SUMF2: variants seen among roughly 807,000 people sequenced by gnomAD.
The protein encoded by SUMF2 is inactive C-alpha-formylglycine-generating enzyme 2.
In SUMF2, 45 loss-of-function variants were observed where a neutral mutation model predicts 44.8. That is an observed-to-expected ratio of 1.00 (90% CI 0.79 to 1.29). The LOEUF is 1.29. Among genes scored for constraint, SUMF2 ranks in the 50% most tolerant of loss-of-function variants. The probability of loss-of-function intolerance (pLI) is 0.00; values close to 1 mark genes in which losing one functional copy is unlikely to be tolerated. For synonymous variants in SUMF2, 148 were observed against 150.4 expected, an observed-to-expected ratio of 0.98 and a Z score of 0.12; for missense variants, 418 against 389.9, an observed-to-expected ratio of 1.07 and a Z score of -0.61.
chr7:56,068,616 C>G lies in SUMF2; in HGVS notation c.202C>G (p.Pro68Ala), dbSNP rs377302843. 63 of 1,613,682 alleles carry G rather than the reference C, an allele frequency of 3.9e-5. No individual in the cohort carries two copies. The highest frequency in any genetic ancestry group is 5.2e-5 in the Non-Finnish European group (61 of 1,179,876). The change falls in exon 2 of 9, where the codon CCT becomes GCT. Residue 68 changes from proline (P) to alanine (A), a missense_variant. Physicochemically the swap from Pro to Ala is conservative, Grantham distance 27. Coordinates refer to ENST00000434526, the MANE Select transcript of SUMF2 (RefSeq NM_015411.4). ...TVKPFAIDIF[P>A]VTNKDFRDFV... The stretch of plus-strand genomic sequence containing the variant: ...GAAACCCTTTGCCATCGACATATTT[C>G]CTGTCACCAACAAAGATTTCAGGTA...
downstream of SUMF2, among the ~76,000 whole-genome samples, chr7:56,082,436 T>C (rs1796051299): frequency 6.6e-6 from 1 of 151,792 alleles, no homozygotes; most frequent in African/African-American, 2.4e-5. Flanking sequence ...CTACTAAAAA[T>C]ACAAAAATTA....
rs899985699 is a variant in SUMF2 at position 56,074,233 on chromosome 7, C to G, written c.384+15C>G. ...TTTGGAGGCAGGTAAGGGCTGATTCCGCTACCTCATTTTCTACCCCTGCTT... is the reference window on the plus strand; with the variant it reads ...TTTGGAGGCAGGTAAGGGCTGATTCGGCTACCTCATTTTCTACCCCTGCTT... On this transcript the variant is annotated intron_variant, in intron 4 of 8. Transcript: ENST00000434526. 6.2e-7 allele frequency: 1 copy of G among 1,612,788 alleles called. No individual in the cohort carries two copies. Among genetic ancestry groups the G allele is most frequent in the South Asian group, 1.1e-5 (1 of 91,034 alleles).
At chr7:56,074,356 A>G (rs1157594728) in intron 4 of SUMF2, 138 bp downstream of exon 4, 1 of 1,083,132 alleles carries the variant, frequency 9.2e-7, no homozygotes. Context: ...GAAAGCGCTC[A>G]GCAGGCCTGT....
chr7:56,082,224 G>C (rs1237766258), downstream of SUMF2: 2 of 1,613,624 alleles, frequency 1.2e-6, no homozygotes, highest in Non-Finnish European at 1.7e-6. Flanking sequence ...ATAATCTCAG[G>C]GGCCAGGTAA....
rs1451881209 is a variant in SUMF2 at position 56,079,921 on chromosome 7, C to T, written c.*309C>T. The T allele has an allele frequency of 7.0e-7, 1 of 1,419,016 alleles. No individual in the cohort carries two copies. Among genetic ancestry groups the T allele is most frequent in the Non-Finnish European group, 9.4e-7 (1 of 1,062,256 alleles). The allele number at this position is 1,419,016 out of a possible 1,614,324, so 87.9% of individuals were successfully genotyped here. A position where few individuals can be genotyped will look rare whatever the true frequency, so the allele number is the denominator to read the frequency against. Reference sequence around the variant, plus strand: ...ATTGGAACAGAGCACTCTGAAAGGCCATTTTTTAAGCATTTTAAAATCTAT... The same window carrying T: ...ATTGGAACAGAGCACTCTGAAAGGCTATTTTTTAAGCATTTTAAAATCTAT... On this transcript the variant is annotated 3_prime_UTR_variant, in exon 9 of 9. Transcript: ENST00000434526.
chr7:56,085,152 G>T (rs960917945), downstream of SUMF2, among the ~76,000 whole-genome samples: 1 of 151,760 alleles, frequency 6.6e-6, no homozygotes, highest in South Asian at 2.1e-4. Flanking sequence ...GTAGAGATGG[G>T]GTTTTGCCAT....
Position 56,073,051 on chromosome 7 carries a change from C to G in SUMF2, c.279C>G (p.Ser93Arg), listed in dbSNP as rs751562402. The G allele has an allele frequency of 1.9e-6, 3 of 1,613,980 alleles. No homozygotes were observed. Among genetic ancestry groups the G allele is most frequent in the Non-Finnish European group, 2.5e-6 (3 of 1,180,038 alleles). ...CAGAAGCTGAGATGTTTGGATGGAGCTTTGTCTTTGAGGACTTTGTCTCTG... is the reference window on the plus strand; with the variant it reads ...CAGAAGCTGAGATGTTTGGATGGAGGTTTGTCTTTGAGGACTTTGTCTCTG... ...YRTEAEMFGW[S>R]FVFEDFVSDE... Residue 93 changes from serine to arginine, a missense_variant, in exon 3 of 9, where the codon AGC (serine) becomes AGG (arginine). Coordinates refer to ENST00000434526, the MANE Select transcript of SUMF2 (RefSeq NM_015411.4).
downstream of SUMF2, chr7:56,083,709 CTT>C (rs1562878454): frequency 6.3e-7 from 1 of 1,576,548 alleles, no homozygotes. Flanking sequence ...GCTCCCCTCT[CTT>C]CATCCTGTGG....
chr7:56,084,281 G>T, downstream of SUMF2: 3 of 1,247,188 alleles, frequency 2.4e-6, no homozygotes, highest in Non-Finnish European at 3.4e-6. Context: ...ATGTATCGGG[G>T]CCTAAATGAT....
intron 3 of SUMF2, 48 bp from the exon 4 acceptor site, chr7:56,074,126 C>A (rs775621332): frequency 1.9e-6 from 3 of 1,598,448 alleles, no homozygotes; most frequent in Non-Finnish European, 1.7e-6. Flanking sequence ...GGGGAGGTGC[C>A]TTTGCTGGGC....
intron 2 of SUMF2, among the ~76,000 whole-genome samples, chr7:56,072,023 G>T (rs974624053): frequency 6.7e-6 from 1 of 149,758 alleles, no homozygotes; most frequent in Non-Finnish European, 1.5e-5. Context: ...CAAGAGAATC[G>T]CTTGAACCCA....
chr7:56,078,233 G>T (rs778362239), intron 7 of SUMF2, 47 bp downstream of exon 7: 1 of 1,585,228 alleles, frequency 6.3e-7, no homozygotes, highest in Non-Finnish European at 8.6e-7. Flanking sequence ...ACTGGCTGTT[G>T]GGACCATCAT....
At position 56,078,446 on chromosome 7, in the gene SUMF2, G is replaced by T. The variant is rs1390279310; in HGVS notation, c.759G>T (p.Arg253=). The T allele has an allele frequency of 7.5e-6, 12 of 1,608,810 alleles. No homozygotes were observed. Among genetic ancestry groups the T allele is most frequent in the African/African-American group, 4.0e-5 (3 of 74,784 alleles). ...QAAEQDMRVL[R]GASWIDTADG... is the part of the protein sequence containing the mutation. ...CTGAGCAGGACATGCGCGTCCTCCG[G>T]GGGGCATCCTGGATCGACACAGCTG... Residue 253 remains arginine, a synonymous_variant, in exon 8 of 9, where the codon CGG becomes CGT. Transcript: ENST00000434526.
At chr7:56,087,609 T>G in the SUMF2 span, 2 of 1,612,834 alleles carry the variant, frequency 1.2e-6, no homozygotes, top group African/African-American at 2.7e-5. Flanking sequence ...GATGTTGGGG[T>G]GCCCTGAGAC....
chr7:56,078,242 A>G (rs1795704515), intron 7 of SUMF2, 56 bp downstream of exon 7: 4 of 1,580,592 alleles, frequency 2.5e-6, no homozygotes, highest in African/African-American at 1.3e-5. Context: ...TGGGACCATC[A>G]TGTCTGAGAG....
At position 56,080,211 on chromosome 7, in the gene SUMF2, C is replaced by A; in HGVS notation, c.*599C>A. Reference sequence around the variant, plus strand: ...AGGTGAAGCATTGCATTGTGGGAATCACAAAGCAAATAGTACTCCAGAAAG... The same window carrying A: ...AGGTGAAGCATTGCATTGTGGGAATAACAAAGCAAATAGTACTCCAGAAAG... On this transcript the variant is annotated 3_prime_UTR_variant, in exon 9 of 9. Coordinates refer to ENST00000434526, the MANE Select transcript of SUMF2 (RefSeq NM_015411.4). 1 of 195,032 alleles carries A rather than the reference C, an allele frequency of 5.1e-6. No individual in the cohort carries two copies. Among genetic ancestry groups the A allele is most frequent in the Non-Finnish European group, 1.0e-5 (1 of 97,200 alleles). The allele number at this position is 195,032 out of a possible 1,614,324, so 12.1% of individuals were successfully genotyped here. A position where few individuals can be genotyped will look rare whatever the true frequency, so the allele number is the denominator to read the frequency against.
At chr7:56,083,627 G>T, downstream of SUMF2, 1 of 1,567,732 alleles carries the variant, frequency 6.4e-7, no homozygotes, top group East Asian at 2.3e-5. Flanking sequence ...AGGGAGCGGA[G>T]AGAAGGGCAA....
intron 1 of SUMF2, among the ~76,000 whole-genome samples, chr7:56,064,664 AG>A (rs1430897203): frequency 2.7e-5 from 4 of 148,942 alleles, no homozygotes; most frequent in African/African-American, 7.4e-5. Flanking sequence ...ACTTGAGGTC[AG>A]GAGTTGGAGA....
intron 5 of SUMF2, 117 bp from the exon 6 acceptor site, chr7:56,076,715 ACT>A: frequency 1.1e-6 from 1 of 902,064 alleles, no homozygotes. Flanking sequence ...CAGGTCATTC[ACT>A]CTTTTTTCTC....
Sources: allele counts gnomAD v4.1 joint callset (sites outside exome capture counted in the v4.1 genomes callset), GRCh38; gene constraint gnomAD v4.1.1; transcripts MANE v1.5; gene names NCBI Gene and HGNC (gene_info 2026-07-23, HGNC 2026-07-21).